The following WWP1 variants were observed in gnomAD, a reference collection of about 807,000 sequenced individuals.
WWP1 encodes WW domain containing E3 ubiquitin protein ligase 1.
A neutral mutation model predicts 130.6 loss-of-function variants in WWP1; 49 were observed. The ratio of observed to expected loss-of-function variants is 0.38; its 90% CI spans 0.30 to 0.48. WWP1 has a LOEUF of 0.48. Ranked by LOEUF, WWP1 falls within the 20% of genes least tolerant of loss-of-function variation. WWP1 has a pLI of 0.99. For missense variants in WWP1, 809 were observed against 1,100.6 expected (o/e 0.74, Z 3.75); for synonymous variants, 332 against 367.8 (o/e 0.90, Z 1.11).
At chr8:86,350,144 A>G (rs1236870552) in intron 1 of WWP1, among the ~76,000 whole-genome samples, 4 of 152,148 alleles carry the variant, frequency 2.6e-5, no homozygotes, top group African/African-American at 7.2e-5. Context: ...TGGAAATACA[A>G]TGAATAAGGT....
chr8:86,381,725 C>T (rs1397331387), intron 5 of WWP1, 96 bp downstream of exon 5: 19 of 1,218,730 alleles, frequency 1.6e-5, no homozygotes, highest in East Asian at 2.9e-5. Flanking sequence ...AGTTTTGTAT[C>T]CATAAAGAAC....
intron 17 of WWP1, among the ~76,000 whole-genome samples, chr8:86,441,230 C>T (rs1220884280): frequency 1.3e-5 from 2 of 152,192 alleles, no homozygotes; most frequent in African/African-American, 4.8e-5. Context: ...TCTCACAAGA[C>T]CTGCTCCATC....
Position 86,461,116 on chromosome 8 carries a change from C to T in WWP1, c.2500-108C>T, listed in dbSNP as rs1323738555. 1.6e-5 allele frequency: 17 copies of T among 1,055,234 alleles called. 1 individual carries two copies. The highest frequency in any genetic ancestry group is 2.2e-5 in the Non-Finnish European group (16 of 718,416). 65.4% of individuals were successfully genotyped at this position (1,055,234 alleles called of 1,614,324 possible). A position where few individuals can be genotyped will look rare whatever the true frequency, so the allele number is the denominator to read the frequency against. ...GAGCCACCACGCCCAACCTTTAGCA[C>T]ATCTTTTGAACCAATTCAGTGTTAT... is the stretch of plus-strand genomic sequence containing the variant. On this transcript the variant is annotated intron_variant, in intron 22 of 24. Coordinates refer to ENST00000517970, the MANE Select transcript of WWP1 (RefSeq NM_007013.4).
At chr8:86,354,512 T>C (rs1823143841) in intron 1 of WWP1, among the ~76,000 whole-genome samples, 1 of 152,208 alleles carries the variant, frequency 6.6e-6, no homozygotes, top group African/African-American at 2.4e-5. Flanking sequence ...ATTCTAATAC[T>C]TTCCTCTAAG....
chr8:86,465,391 C>T (rs929198834), intron 24 of WWP1, among the ~76,000 whole-genome samples: 6 of 152,012 alleles, frequency 3.9e-5, no homozygotes, highest in African/African-American at 1.5e-4. Context: ...GAAGCATATA[C>T]AAAGGGATGT....
intron 1 of WWP1, among the ~76,000 whole-genome samples, chr8:86,349,923 T>C (rs917147758): frequency 6.6e-6 from 1 of 151,994 alleles, no homozygotes; most frequent in African/African-American, 2.4e-5. Context: ...GTGATTGGAT[T>C]TGAGACCTAG....
intron 1 of WWP1, among the ~76,000 whole-genome samples, chr8:86,362,496 T>C (rs1823726834): frequency 6.6e-6 from 1 of 151,888 alleles, no homozygotes; most frequent in African/African-American, 2.4e-5. Flanking sequence ...AGCAACCAAA[T>C]TGCAAGGGTA....
intron 9 of WWP1, among the ~76,000 whole-genome samples, chr8:86,421,131 A>G (rs940269708): frequency 6.6e-6 from 1 of 152,242 alleles, no homozygotes; most frequent in African/African-American, 2.4e-5. Flanking sequence ...CAAATAAAGT[A>G]AATCATAACT....
chr8:86,352,496 A>G (rs1184772486), intron 1 of WWP1, among the ~76,000 whole-genome samples: 1 of 151,926 alleles, frequency 6.6e-6, no homozygotes, highest in Non-Finnish European at 1.5e-5. Flanking sequence ...AAGTTCTGGG[A>G]TGGATTATAG....
intron 21 of WWP1, among the ~76,000 whole-genome samples, chr8:86,455,345 TAAG>T (rs1395241754): frequency 6.6e-6 from 1 of 151,780 alleles, no homozygotes; most frequent in African/African-American, 2.4e-5. Context: ...AAAGCAGAAA[TAAG>T]AAGTATAAAG....
At chr8:86,422,027 G>A (rs1809245897) in intron 9 of WWP1, among the ~76,000 whole-genome samples, 1 of 152,022 alleles carries the variant, frequency 6.6e-6, no homozygotes, top group African/African-American at 2.4e-5. Context: ...AGGGCTTCTT[G>A]ATAAGCACTC....
chr8:86,369,525 A>G (rs190531887), intron 2 of WWP1, among the ~76,000 whole-genome samples: 169 of 152,274 alleles, frequency 1.1e-3, no homozygotes, highest in African/African-American at 3.9e-3. Context: ...AGAAAGTTTC[A>G]TGTAGTAAAG....
intron 1 of WWP1, among the ~76,000 whole-genome samples, chr8:86,358,102 T>G (rs1435586181): frequency 1.3e-5 from 2 of 152,210 alleles, no homozygotes; most frequent in Non-Finnish European, 2.9e-5. Context: ...TGTAATAAGC[T>G]TCTCTCTTAT....
chr8:86,409,326 C>T (rs1391795555), intron 8 of WWP1, among the ~76,000 whole-genome samples: 46 of 147,920 alleles, frequency 3.1e-4, no homozygotes, highest in African/African-American at 8.4e-4. Flanking sequence ...CTCTACCTCC[C>T]GGATTCAAGC....
At chr8:86,349,902 C>T (rs573617971) in intron 1 of WWP1, among the ~76,000 whole-genome samples, 3 of 151,912 alleles carry the variant, frequency 2.0e-5, no homozygotes, top group Admixed American at 1.3e-4. Flanking sequence ...AGATCGATTC[C>T]CTCTGCCCTT....
intron 7 of WWP1, among the ~76,000 whole-genome samples, chr8:86,400,967 C>T (rs1807943100): frequency 6.6e-6 from 1 of 151,136 alleles, no homozygotes; most frequent in South Asian, 2.1e-4. Context: ...AAAAGCTCTC[C>T]TGGTCACTTA....
At chr8:86,355,412 C>G (rs1231920914) in intron 1 of WWP1, among the ~76,000 whole-genome samples, 2 of 152,068 alleles carry the variant, frequency 1.3e-5, no homozygotes, top group Non-Finnish European at 2.9e-5. Context: ...ATAAATGCAG[C>G]AAGTATGTGT....
chr8:86,390,380 G>A (rs1272610839), intron 5 of WWP1, among the ~76,000 whole-genome samples: 1 of 152,146 alleles, frequency 6.6e-6, no homozygotes, highest in African/African-American at 2.4e-5. Context: ...CCGAGATCAC[G>A]CCACTGCACT....
chr8:86,366,318 G>A (rs985601169), intron 1 of WWP1, among the ~76,000 whole-genome samples: 1 of 152,222 alleles, frequency 6.6e-6, no homozygotes, highest in Non-Finnish European at 1.5e-5. Context: ...GATGGCTTGG[G>A]GTATGATGGC....
Sources: gnomAD v4.1 joint callset for allele counts (sites outside exome capture counted in the v4.1 genomes callset) on GRCh38, gnomAD v4.1.1 for gene constraint, MANE v1.5 for transcripts, NCBI Gene and HGNC (gene_info 2026-07-23, HGNC 2026-07-21) for gene names.